Variants in APOB observed in about 807,000 individuals in gnomAD.
APOB encodes apolipoprotein B, also known as apolipoprotein B-100.
In APOB, 153 loss-of-function variants were observed where a neutral mutation model predicts 314.1. The ratio of observed to expected loss-of-function variants is 0.49; its 90% CI spans 0.43 to 0.56. The LOEUF (loss-of-function observed/expected upper bound fraction) is 0.56, where lower values mean the gene tolerates loss of function less well. APOB is among the 20% of genes least tolerant of loss of function. The pLI is 0.00. For synonymous variants in APOB, 2,087 were observed against 2,036.4 expected, an observed-to-expected ratio of 1.02 and a Z score of -0.67; for missense variants, 5,430 against 5,350.7, an observed-to-expected ratio of 1.01 and a Z score of -0.46.
In APOB at chr2:21,019,768, C is replaced by G; in HGVS notation, c.2954G>C (p.Ser985Thr). ...YCTSGAYSNASSTDSASYYPL... is the reference protein window; with the variant it reads ...YCTSGAYSNATSTDSASYYPL... ...ATAGTAGGAGGCGGAGTCTGTGGAG[C>G]TGGCGTTGGAGTAAGCGCCTGAGGT... Residue 985 changes from serine to threonine, a missense_variant, in exon 19 of 29, where the codon AGC (serine) becomes ACC (threonine). Transcript: ENST00000233242. 1 of 1,614,170 alleles carries G rather than the reference C, an allele frequency of 6.2e-7. No individual in the cohort carries two copies. Among genetic ancestry groups the G allele is most frequent in the Admixed American group, 1.7e-5 (1 of 60,022 alleles).
chr2:21,033,516 T>C lies in APOB; in HGVS notation c.907A>G (p.Thr303Ala), dbSNP rs1171140104. The change falls in exon 9 of 29, where the codon ACT becomes GCT. Residue 303 changes from threonine (T) to alanine (A), a missense_variant and splice_region_variant. Physicochemically the swap from Thr to Ala is moderately conservative, Grantham distance 58. Coordinates refer to ENST00000233242, the MANE Select transcript of APOB (RefSeq NM_000384.3). ...KINSRFFGEG[T>A]KKMGLAFEST... is the part of the protein sequence containing the mutation. ...TCAAATGCGAGGCCCATCTTCTTAG[T>C]ACCTGGAAGATGGAAAGTGTCAAAG... 1 of 1,613,322 alleles carries C rather than the reference T, an allele frequency of 6.2e-7. No homozygotes were observed. Among genetic ancestry groups the C allele is most frequent in the Non-Finnish European group, 8.5e-7 (1 of 1,179,242 alleles).
Position 21,032,400 on chromosome 2 carries a change from G to T in APOB, c.1306C>A (p.Gln436Lys). Residue 436 changes from glutamine (Q) to lysine (K), a missense_variant, in exon 10 of 29, where the codon CAG (glutamine) becomes AAG (lysine). Gln to Lys is a moderately conservative substitution (Grantham distance 53). This residue lies in a region of APOB where 2,085 missense variants were observed against 2,079.7 expected (regional missense o/e 1.00). Coordinates refer to ENST00000233242, the MANE Select transcript of APOB (RefSeq NM_000384.3). ...LREIFNMARD[Q>K]RSRATLYALS... ...GCATACAAGGTGGCTCGGCTGCGCT[G>T]ATCCCTCGCCATGTTGAAGATCTCT... 6.2e-7 allele frequency: 1 copy of T among 1,613,976 alleles called. No homozygotes were observed.
chr2:21,004,701 A>G (rs1458211211), intron 26 of APOB, 26 bp from the exon 27 acceptor site: 1 of 1,528,616 alleles, frequency 6.5e-7, no homozygotes, highest in African/African-American at 1.4e-5. Context: ...TTTGTATTTT[A>G]TTAGATTCAT....
In APOB at chr2:21,005,577, T is replaced by G. The variant is rs775272065; in HGVS notation, c.11291A>C (p.Asp3764Ala). ...CTTATAGATTTGTATTTCTCTGAAG[T>G]CAAGTTTGCACGATGGAACCTGAAG... ...TDLQVPSCKL[D>A]FREIQIYKKL... The change falls in exon 26 of 29, where the codon GAC becomes GCC. Residue 3764 changes from aspartate to alanine, a missense_variant. Physicochemically the swap from Asp to Ala is moderately radical, Grantham distance 126. Transcript: ENST00000233242. 1 of 1,613,936 alleles carries G rather than the reference T, an allele frequency of 6.2e-7. No individual in the cohort carries two copies.
chr2:21,005,605 C>A lies in APOB; in HGVS notation c.11263G>T (p.Asp3755Tyr), dbSNP rs778230641. The A allele has an allele frequency of 2.5e-6, 4 of 1,613,872 alleles. No individual in the cohort carries two copies. The highest frequency in any genetic ancestry group is 3.4e-6 in the Non-Finnish European group (4 of 1,179,960). Residue 3755 changes from aspartate (D) to tyrosine (Y), a missense_variant, in exon 26 of 29, where the codon GAT (aspartate) becomes TAT (tyrosine). Coordinates refer to ENST00000233242, the MANE Select transcript of APOB (RefSeq NM_000384.3). Reference sequence around the variant, plus strand: ...AGTTTGCACGATGGAACCTGAAGATCTGTAAATGGGACATGGAACGTAGGC... The same window carrying A: ...AGTTTGCACGATGGAACCTGAAGATATGTAAATGGGACATGGAACGTAGGC... ...VMPTFHVPFTDLQVPSCKLDF... is the reference protein window; with the variant it reads ...VMPTFHVPFTYLQVPSCKLDF...
intron 4 of APOB, among the ~76,000 whole-genome samples, chr2:21,039,551 A>G (rs1439802344): frequency 1.3e-5 from 2 of 152,260 alleles, no homozygotes; most frequent in Non-Finnish European, 2.9e-5. Context: ...AAAGTTCCCA[A>G]CACGAAGAAA....
At chr2:21,004,883 G>A (rs534753575) in intron 26 of APOB, among the ~76,000 whole-genome samples, 197 bp downstream of exon 26, 73 of 152,126 alleles carry the variant, frequency 4.8e-4, no homozygotes, top group Non-Finnish European at 6.8e-4. Flanking sequence ...TTTCTTTAAA[G>A]CTGTTTGTCT....
rs774032263 is a variant in APOB, at chr2:21,027,918, A to G, written c.1977T>C (p.Leu659=). The G allele has an allele frequency of 6.2e-7, 1 of 1,614,174 alleles. No homozygotes were observed. Among genetic ancestry groups the G allele is most frequent in the Non-Finnish European group, 8.5e-7 (1 of 1,180,002 alleles). Residue 659 remains leucine, a synonymous_variant, in exon 14 of 29, where the codon CTT becomes CTC. Transcript: ENST00000233242. The part of the protein sequence containing the change: ...DPASAKIEGN[L]IFDPNNYLPK... ...GAAGGTAGTTATTTGGATCAAATATAAGATTCCCTTCTATTTTGGCTGAGG... is the reference window on the plus strand; with the variant it reads ...GAAGGTAGTTATTTGGATCAAATATGAGATTCCCTTCTATTTTGGCTGAGG...
In APOB at chr2:21,005,440, A is replaced by T; in HGVS notation, c.11428T>A (p.Phe3810Ile). 1.2e-6 allele frequency: 2 copies of T among 1,614,150 alleles called. No homozygotes were observed. The highest frequency in any genetic ancestry group is 2.2e-5 in the South Asian group (2 of 91,090). ...GATTCAGGCACGGTTATCTCAAAAA[A>T]GGGAATCAAGGAGTCTTCTGGTTGA... ...YSQPEDSLIP[F>I]FEITVPESQL... The change falls in exon 26 of 29, where the codon TTT (phenylalanine) becomes ATT (isoleucine). Residue 3810 changes from phenylalanine to isoleucine, a missense_variant. This residue lies in a region of APOB where 3,281 missense variants were observed against 3,171.0 expected (regional missense o/e 1.03). Coordinates refer to ENST00000233242, the MANE Select transcript of APOB (RefSeq NM_000384.3).
At chr2:21,026,644 C>T in intron 15 of APOB, 144 bp downstream of exon 15, 1 of 725,272 alleles carries the variant, frequency 1.4e-6, no homozygotes, top group Non-Finnish European at 2.4e-6. Context: ...GGATACTGGC[C>T]CTTACCCCAG....
chr2:21,013,416 G>A lies in APOB; in HGVS notation c.3960C>T (p.Ala1320=). The A allele has an allele frequency of 6.2e-7, 1 of 1,614,218 alleles. No homozygotes were observed. The highest frequency in any genetic ancestry group is 8.5e-7 in the Non-Finnish European group (1 of 1,180,050). The change falls in exon 25 of 29, where the codon GCC becomes GCT. Residue 1320 remains alanine (A), a synonymous_variant. Coordinates refer to ENST00000233242, the MANE Select transcript of APOB (RefSeq NM_000384.3). The part of the protein sequence containing the change: ...LKMLETVRTP[A]LHFKSVGFHL... ...GGAATCCCACAGACTTGAAGTGGAG[G>A]GCTGGTGTCCTAACAGTCTCTAACA... is the stretch of plus-strand genomic sequence containing the variant.
rs1042034 is a variant in APOB, at chr2:21,002,409, C to T, written c.13013G>A (p.Ser4338Asn). 0.76 allele frequency: 1,209,586 copies of T among 1,598,072 alleles called. 468,513 individuals are homozygous for T. Among genetic ancestry groups the T allele is most frequent in the African/African-American group, 0.85 (63,269 of 74,236 alleles). The part of the protein sequence containing the change: ...YIQDEINTIF[S>N]DYIPYVFKLL... ...TTTAAAAACATATGGGATATAATCA[C>T]TGAAGATTGTGTTGATCTCATCTTG... is the stretch of plus-strand genomic sequence containing the variant. The change falls in exon 29 of 29, where the codon AGT becomes AAT. Residue 4338 changes from serine (S) to asparagine (N), a missense_variant. Coordinates refer to ENST00000233242, the MANE Select transcript of APOB (RefSeq NM_000384.3).
rs1323491302 is a variant in APOB at position 21,042,416 on chromosome 2, G to A, written c.182C>T (p.Ser61Phe). The A allele has an allele frequency of 6.2e-7, 1 of 1,614,022 alleles. No homozygotes were observed. ...KYTYNYEAES[S>F]SGVPGTADSR... Reference sequence around the variant, plus strand: ...ATCAGCAGTCCCAGGGACTCCACTGGAACTCTCAGCCTCATAGTTGTATGT... The same window carrying A: ...ATCAGCAGTCCCAGGGACTCCACTGAAACTCTCAGCCTCATAGTTGTATGT... Residue 61 changes from serine to phenylalanine, a missense_variant, in exon 3 of 29, where the codon TCC becomes TTC. Physicochemically the swap from Ser to Phe is radical, Grantham distance 155. Coordinates refer to ENST00000233242, the MANE Select transcript of APOB (RefSeq NM_000384.3).
In APOB at chr2:21,007,070, C is replaced by G. The variant is rs749147965; in HGVS notation, c.9798G>C (p.Glu3266Asp). 3.0e-5 allele frequency: 48 copies of G among 1,613,900 alleles called. No individual in the cohort carries two copies. The Middle Eastern group carries it at 9.9e-4, about 33-fold the overall frequency. The change falls in exon 26 of 29, where the codon GAG becomes GAC. Residue 3266 changes from glutamate to aspartate, a missense_variant. Physicochemically the swap from Glu to Asp is conservative, Grantham distance 45. Transcript: ENST00000233242. ...GGAACACATAGCCGAATGCCGACAT[C>G]TCTATGGTGAATGGAGACACTTCAA... ...VNVEVSPFTI[E>D]MSAFGYVFPK...
Position 21,013,150 on chromosome 2 carries a change from C to T in APOB, c.4216+10G>A. The T allele has an allele frequency of 6.2e-7, 1 of 1,613,300 alleles. No individual in the cohort carries two copies. The highest frequency in any genetic ancestry group is 2.2e-5 in the East Asian group (1 of 44,886). On this transcript the variant is annotated intron_variant, in intron 25 of 28. Transcript: ENST00000233242. ...TAGCCCGGTGCACCCTTTACCTGAG[C>T]ATAGCTCACCTTGCACATTGTAGGA...
intron 2 of APOB, 26 bp downstream of exon 2, chr2:21,043,487 C>T (rs1230092774): frequency 2.5e-6 from 4 of 1,594,576 alleles, no homozygotes; most frequent in Non-Finnish European, 3.4e-6. Flanking sequence ...GGGCGCCCTT[C>T]CACGCCCCAT....
chr2:21,042,584 C>T, intron 2 of APOB, 108 bp from the exon 3 acceptor site: 2 of 794,278 alleles, frequency 2.5e-6, no homozygotes, highest in Non-Finnish European at 4.4e-6. Context: ...AATGGTAATT[C>T]AACTCAAATT....
Position 21,007,808 on chromosome 2 carries a change from C to A in APOB, c.9060G>T (p.Arg3020Ser). ...CCTTTCCATTTAAATGAGCATCATGCCTCCCAGTAAACTCTGCCTTCCCTT... is the reference window on the plus strand; with the variant it reads ...CCTTTCCATTTAAATGAGCATCATGACTCCCAGTAAACTCTGCCTTCCCTT... ...FGEGKAEFTG[R>S]HDAHLNGKVI... is the part of the protein sequence containing the mutation. Residue 3020 changes from arginine to serine, a missense_variant, in exon 26 of 29, where the codon AGG becomes AGT. Arg to Ser is a moderately radical substitution (Grantham distance 110). Coordinates refer to ENST00000233242, the MANE Select transcript of APOB (RefSeq NM_000384.3). The A allele has an allele frequency of 6.2e-7, 1 of 1,614,042 alleles. No homozygotes were observed. The highest frequency in any genetic ancestry group is 8.5e-7 in the Non-Finnish European group (1 of 1,179,948).
Position 21,009,465 on chromosome 2 carries a change from A to G in APOB, c.7403T>C (p.Leu2468Pro), listed in dbSNP as rs1663245053. 1 of 1,613,980 alleles carries G rather than the reference A, an allele frequency of 6.2e-7. No individual in the cohort carries two copies. The highest frequency in any genetic ancestry group is 8.5e-7 in the Non-Finnish European group (1 of 1,179,986). ...ELPQKAEALK[L>P]FLEETKATVA... ...TGTGGCCTTGGTTTCCTCTAAAAAC[A>G]GTTTTAATGCTTCAGCTTTTTGTGG... The change falls in exon 26 of 29, where the codon CTG (leucine) becomes CCG (proline). Residue 2468 changes from leucine (L) to proline (P), a missense_variant. Physicochemically the swap from Leu to Pro is moderately conservative, Grantham distance 98 (BLOSUM62 -3). Transcript: ENST00000233242.
Sources: gnomAD v4.1 joint callset for allele counts (sites outside exome capture counted in the v4.1 genomes callset) on GRCh38, gnomAD v4.1.1 for gene constraint, gnomAD v4.1.1 regional missense constraint, MANE v1.5 for transcripts, NCBI Gene and HGNC (gene_info 2026-07-23, HGNC 2026-07-21) for gene names.